AGAP1: variants seen among roughly 807,000 people sequenced by gnomAD.
AGAP1 encodes the protein ArfGAP with GTPase domain, ankyrin repeat and PH domain 1.
In AGAP1, 29 loss-of-function variants were observed where a neutral mutation model predicts 105.3. The ratio of observed to expected loss-of-function variants is 0.28; its 90% confidence interval spans 0.21 to 0.38. The LOEUF is 0.38. Ranked by LOEUF, AGAP1 falls within the 10% of genes least tolerant of loss-of-function variation. The pLI is 1.00. For synonymous variants in AGAP1, 509 were observed against 485.9 expected (o/e 1.05, Z -0.63); for missense variants, 998 against 1,165.1 (o/e 0.86, Z 2.09).
chr2:235,909,271 T>C (rs1270285433), intron 11 of AGAP1, among the ~76,000 whole-genome samples: 2 of 152,206 alleles, frequency 1.3e-5, no homozygotes, highest in Non-Finnish European at 2.9e-5. Flanking sequence ...TGTATGAAAG[T>C]GGAAAAACCA....
intron 13 of AGAP1, among the ~76,000 whole-genome samples, chr2:236,004,618 T>A (rs1378079047): frequency 1.3e-5 from 2 of 152,248 alleles, no homozygotes; most frequent in African/African-American, 4.8e-5. Context: ...CCGGAAGAAC[T>A]GGCATTGGTA....
At position 235,690,513 on chromosome 2, in the gene AGAP1, C is replaced by T. The variant is rs1299434599; in HGVS notation, c.164-18666C>T. Among the ~76,000 whole-genome samples the T allele has an allele frequency of 6.6e-6, 1 of 152,222 alleles. No homozygotes were observed. The highest frequency in any genetic ancestry group is 1.5e-5 in the Non-Finnish European group (1 of 68,038). On this transcript the variant is annotated intron_variant, in intron 1 of 17. Transcript: ENST00000304032. The surrounding 1 kb of genome is among the most constrained non-coding windows in gnomAD (Gnocchi z 4.1). Reference sequence around the variant, plus strand: ...GGAGGAAAGCATGGTTTATTCCTAGCTTCCGGTAGAGGAGGCTGGCCAACT... The same window carrying T: ...GGAGGAAAGCATGGTTTATTCCTAGTTTCCGGTAGAGGAGGCTGGCCAACT...
At chr2:235,944,210 G>T (rs887124307) in intron 12 of AGAP1, among the ~76,000 whole-genome samples, 3 of 152,008 alleles carry the variant, frequency 2.0e-5, no homozygotes, top group Non-Finnish European at 2.9e-5. Flanking sequence ...TAATTACATT[G>T]AGAAAACAGA....
At chr2:235,576,553 T>G (rs758603646) in intron 1 of AGAP1, among the ~76,000 whole-genome samples, 1 of 152,194 alleles carries the variant, frequency 6.6e-6, no homozygotes, top group Admixed American at 6.5e-5. Flanking sequence ...TTTTAAGAAC[T>G]TTGTTGCAGG....
chr2:235,638,674 T>C (rs529143359), intron 1 of AGAP1, among the ~76,000 whole-genome samples: 34 of 152,198 alleles, frequency 2.2e-4, no homozygotes, highest in Non-Finnish European at 4.3e-4. Flanking sequence ...GCCATCATTG[T>C]CTTTGCTTTC....
chr2:235,502,953 A>G (rs13429062), intron 1 of AGAP1, among the ~76,000 whole-genome samples: 7,370 of 101,790 alleles, frequency 0.072, 607 homozygotes, highest in African/African-American at 0.21. Context: ...CTTCAATTCA[A>G]TAAGTTTTAG....
chr2:235,953,761 C>T lies in AGAP1; in HGVS notation c.1484-14701C>T, dbSNP rs1189642081. ...CCTGGGAGGTATAGTGAGACCCCATCTCTACAAAGAAATTATCAGGGCATG... is the reference window on the plus strand; with the variant it reads ...CCTGGGAGGTATAGTGAGACCCCATTTCTACAAAGAAATTATCAGGGCATG... On this transcript the variant is annotated intron_variant, in intron 12 of 17. Transcript: ENST00000304032. The surrounding 1 kb of genome is among the most constrained non-coding windows in gnomAD (Gnocchi z 5.2). Among the ~76,000 whole-genome samples, 1 of 151,924 alleles carries T rather than the reference C, an allele frequency of 6.6e-6. No homozygotes were observed. The highest frequency in any genetic ancestry group is 2.1e-4 in the South Asian group (1 of 4,810).
At chr2:235,935,312 C>T (rs1267036835) in intron 12 of AGAP1, among the ~76,000 whole-genome samples, 2 of 152,218 alleles carry the variant, frequency 1.3e-5, no homozygotes, top group African/African-American at 2.4e-5. Context: ...TGCTGAGTAC[C>T]ACATGCTGCT....
intron 13 of AGAP1, among the ~76,000 whole-genome samples, chr2:236,021,463 G>A (rs565578490): frequency 4.6e-5 from 7 of 152,262 alleles, no homozygotes; most frequent in East Asian, 1.9e-4. Context: ...CAACATGGCC[G>A]TGCTCACTTA....
At chr2:235,649,347 G>A (rs906539354) in intron 1 of AGAP1, among the ~76,000 whole-genome samples, 1 of 152,160 alleles carries the variant, frequency 6.6e-6, no homozygotes, top group African/African-American at 2.4e-5. Context: ...GGCCAAGCAG[G>A]CCTTGAGACT....
Position 236,123,556 on chromosome 2 carries a change from G to A in AGAP1, c.2371-363G>A, listed in dbSNP as rs907602568. Among the ~76,000 whole-genome samples, 1 of 152,136 alleles carries A rather than the reference G, an allele frequency of 6.6e-6. No individual in the cohort carries two copies. The highest frequency in any genetic ancestry group is 1.9e-4 in the East Asian group (1 of 5,198). ...GGGTGATTTTTTTTCTTCTTGAGCT[G>A]TTATGTGTTATTTGTGTATTTCCTA... On this transcript the variant is annotated intron_variant, in intron 17 of 17. Coordinates refer to ENST00000304032, the MANE Select transcript of AGAP1 (RefSeq NM_001037131.3). The surrounding 1 kb of genome is among the most constrained non-coding windows in gnomAD (Gnocchi z 4.6).
Position 236,109,647 on chromosome 2 carries a change from C to T in AGAP1, c.2115-10545C>T, listed in dbSNP as rs1241218895. On this transcript the variant is annotated intron_variant, in intron 16 of 17. Coordinates refer to ENST00000304032, the MANE Select transcript of AGAP1 (RefSeq NM_001037131.3). This position sits in a 1 kb window ranked among gnomAD's most constrained non-coding sequence, Gnocchi z 5.4. ...TGTTCTAGACCGGCAGCCGTGGGAA[C>T]GTCCTAGTCGGCGGCAGCGTCGGTG... 6.6e-6 allele frequency among the ~76,000 whole-genome samples: 1 copy of T among 150,786 alleles called. No individual in the cohort carries two copies. Among genetic ancestry groups the T allele is most frequent in the Non-Finnish European group, 1.5e-5 (1 of 67,696 alleles).
chr2:235,881,752 T>C (rs549683414), intron 9 of AGAP1, among the ~76,000 whole-genome samples: 1 of 152,370 alleles, frequency 6.6e-6, no homozygotes, highest in Admixed American at 6.5e-5. Flanking sequence ...GAATTGGTGT[T>C]AAAACAAGAA....
chr2:235,606,810 A>G lies in AGAP1; in HGVS notation c.164-102369A>G, dbSNP rs143240129. Among the ~76,000 whole-genome samples, 117 of 152,172 alleles carry G rather than the reference A, an allele frequency of 7.7e-4. 3 individuals are homozygous for G. In the East Asian group the frequency reaches 0.021, roughly 27 times the overall value. ...CTAAAATACAAAAAATTAGCCTGGCATGGTGGCGCACGCCTGCAGTCCCAG... is the reference window on the plus strand; with the variant it reads ...CTAAAATACAAAAAATTAGCCTGGCGTGGTGGCGCACGCCTGCAGTCCCAG... On this transcript the variant is annotated intron_variant, in intron 1 of 17. Coordinates refer to ENST00000304032, the MANE Select transcript of AGAP1 (RefSeq NM_001037131.3).
chr2:236,039,436 T>A (rs2057481465), intron 14 of AGAP1, among the ~76,000 whole-genome samples: 1 of 152,040 alleles, frequency 6.6e-6, no homozygotes, highest in South Asian at 2.1e-4. Context: ...CAAGACCCTC[T>A]CTCTAGGTGG....
At chr2:235,810,172 T>TCTGAGA (rs1958057822) in intron 9 of AGAP1, among the ~76,000 whole-genome samples, 1 of 152,154 alleles carries the variant, frequency 6.6e-6, no homozygotes, top group Non-Finnish European at 1.5e-5. Flanking sequence ...TAAAGAAACT[T>TCTGAGA]CTGAGACTGC....
rs1947216838 is a variant in AGAP1 at position 235,642,109 on chromosome 2, A to T, written c.164-67070A>T. Among the ~76,000 whole-genome samples, 1 of 152,194 alleles carries T rather than the reference A, an allele frequency of 6.6e-6. No homozygotes were observed. The highest frequency in any genetic ancestry group is 2.1e-4 in the South Asian group (1 of 4,826). On this transcript the variant is annotated intron_variant, in intron 1 of 17. Transcript: ENST00000304032. The surrounding 1 kb of genome is among the most constrained non-coding windows in gnomAD (Gnocchi z 4.1). The stretch of plus-strand genomic sequence containing the variant: ...GTGCACATGCCTGTGTTTTTACCTT[A>T]CTTCCCCAGGGGCCCTCCAGAGGGT...
At position 235,741,110 on chromosome 2, in the gene AGAP1, A is replaced by C. The variant is rs1952556786; in HGVS notation, c.396+62A>C. 4 of 1,373,222 alleles carry C rather than the reference A, an allele frequency of 2.9e-6. No homozygotes were observed. In the Admixed American group the frequency reaches 9.1e-5, roughly 31 times the overall value. 85.1% of individuals were successfully genotyped at this position (1,373,222 alleles called of 1,614,324 possible). ...CCCTTTGTTTTCTAAGGTTTGATTC[A>C]AGAAGTGCTTCTAGAAATCGGTGAC... On this transcript the variant is annotated intron_variant, in intron 4 of 17. Transcript: ENST00000304032. This position sits in a 1 kb window ranked among gnomAD's most constrained non-coding sequence, Gnocchi z 4.9.
At chr2:235,920,747 T>G (rs2052145135) in intron 11 of AGAP1, among the ~76,000 whole-genome samples, 1 of 152,186 alleles carries the variant, frequency 6.6e-6, no homozygotes, top group Non-Finnish European at 1.5e-5. Flanking sequence ...TATTCAGACA[T>G]TTTAGATTTT....
Sources: gnomAD v4.1 joint callset for allele counts (sites outside exome capture counted in the v4.1 genomes callset) on GRCh38, gnomAD v4.1.1 for gene constraint, Gnocchi (gnomAD v3.1) non-coding constraint, MANE v1.5 for transcripts, NCBI Gene and HGNC (gene_info 2026-07-23, HGNC 2026-07-21) for gene names.